CNOT4: variants seen among roughly 807,000 people sequenced by gnomAD.
The protein encoded by CNOT4 is CCR4-NOT transcription complex subunit 4.
In CNOT4, 8 loss-of-function variants were observed where a neutral mutation model predicts 73.8. The ratio of observed to expected loss-of-function variants is 0.11; its 90% CI spans 0.06 to 0.20. The LOEUF is 0.20. CNOT4 is among the 10% of genes least tolerant of loss of function. The pLI is 1.00. For synonymous variants in CNOT4, 293 were observed against 321.1 expected (o/e 0.91, Z 0.94); for missense variants, 564 against 883.4 (o/e 0.64, Z 4.58).
chr7:135,445,656 A>G (rs565231427), intron 1 of CNOT4, among the ~76,000 whole-genome samples: 3 of 152,314 alleles, frequency 2.0e-5, no homozygotes, highest in African/African-American at 7.2e-5. Flanking sequence ...TAAGTAATAA[A>G]TTGTTATTTT....
At chr7:135,404,481 T>C (rs934335381) in intron 7 of CNOT4, among the ~76,000 whole-genome samples, 2 of 152,204 alleles carry the variant, frequency 1.3e-5, no homozygotes, top group Non-Finnish European at 2.9e-5. Flanking sequence ...AAATGTTACA[T>C]AAAATTTCAG....
chr7:135,508,044 T>TA (rs1372489731), intron 1 of CNOT4, among the ~76,000 whole-genome samples: 7 of 152,218 alleles, frequency 4.6e-5, no homozygotes, highest in Non-Finnish European at 8.8e-5. Flanking sequence ...CAAGTGAACA[T>TA]AATGCCAAAT....
intron 10 of CNOT4, among the ~76,000 whole-genome samples, chr7:135,370,662 C>G (rs1795151455): frequency 6.6e-6 from 1 of 152,200 alleles, no homozygotes; most frequent in South Asian, 2.1e-4. Flanking sequence ...TTACATGCAT[C>G]AAGATATCTG....
intron 1 of CNOT4, among the ~76,000 whole-genome samples, chr7:135,476,143 A>G (rs889441307): frequency 1.3e-5 from 2 of 152,190 alleles, no homozygotes; most frequent in Non-Finnish European, 2.9e-5. Flanking sequence ...CTATGACATC[A>G]AAAAAACCTG....
chr7:135,422,246 T>C lies in CNOT4; in HGVS notation c.282A>G (p.Ser94=), dbSNP rs768537836. The change falls in exon 3 of 12, where the codon TCA becomes TCG. Residue 94 remains serine, a synonymous_variant. Transcript: ENST00000541284. ...QKQNERKQKI[S]ENRKHLASVR... is the part of the protein sequence containing the mutation. ...CACTAGCCAAATGTTTGCGATTTTC[T>C]GATATTTTCTGTTTTCTCTCATTTT... is the stretch of plus-strand genomic sequence containing the variant. 6.9e-6 allele frequency: 11 copies of C among 1,603,392 alleles called. No homozygotes were observed. In the East Asian group the frequency reaches 2.5e-4, roughly 36 times the overall value.
intron 10 of CNOT4, among the ~76,000 whole-genome samples, chr7:135,380,131 A>C (rs79860626): frequency 0.016 from 2,367 of 152,248 alleles, 29 homozygotes; most frequent in Non-Finnish European, 0.023. Flanking sequence ...GGGGAAAAAA[A>C]AAAAAACAAA....
intron 1 of CNOT4, among the ~76,000 whole-genome samples, chr7:135,498,627 C>T (rs1481716093): frequency 6.6e-6 from 1 of 152,166 alleles, no homozygotes; most frequent in Non-Finnish European, 1.5e-5. Flanking sequence ...TGGCTCACTG[C>T]AACCTCCGCC....
chr7:135,468,890 G>T (rs1027982147), intron 1 of CNOT4, among the ~76,000 whole-genome samples: 6 of 151,918 alleles, frequency 3.9e-5, no homozygotes, highest in African/African-American at 1.5e-4. Flanking sequence ...TCCAAGGAAG[G>T]CTACAAAGAA....
At chr7:135,376,285 T>C (rs1456738347) in intron 10 of CNOT4, among the ~76,000 whole-genome samples, 1 of 152,208 alleles carries the variant, frequency 6.6e-6, no homozygotes, top group African/African-American at 2.4e-5. Flanking sequence ...GTCTACTCTG[T>C]ACCATTTTCT....
At chr7:135,495,683 AAAAAAAAAAAGAAAGAAAG>A (rs1585733715) in intron 1 of CNOT4, among the ~76,000 whole-genome samples, 6 of 97,250 alleles carry the variant, frequency 6.2e-5, no homozygotes, top group African/African-American at 2.2e-4. Context: ...AAAAAAAAAA[AAAAAAAAAAAGAAAGAAAG>A]AAAGAAAGAA....
At position 135,410,680 on chromosome 7, in the gene CNOT4, G is replaced by A. The variant is rs189512250; in HGVS notation, c.688-32C>T. The A allele has an allele frequency of 5.8e-3, 8,926 of 1,541,484 alleles. 27 individuals are homozygous for A. Among genetic ancestry groups the A allele is most frequent in the Non-Finnish European group, 6.4e-3 (7,345 of 1,148,814 alleles). ...AAAGAAGAAATTAAAACTGCAGTGG[G>A]ATTCACAAAATGGCTGGTATAAAAT... On this transcript the variant is annotated intron_variant, in intron 6 of 11. Transcript: ENST00000541284.
At chr7:135,495,859 A>G (rs1407641098) in intron 1 of CNOT4, among the ~76,000 whole-genome samples, 1 of 151,464 alleles carries the variant, frequency 6.6e-6, no homozygotes, top group Non-Finnish European at 1.5e-5. Flanking sequence ...GCTTGAGCCC[A>G]GGAGTTCAAG....
At chr7:135,460,208 C>T (rs566272312) in intron 1 of CNOT4, among the ~76,000 whole-genome samples, 6 of 152,312 alleles carry the variant, frequency 3.9e-5, no homozygotes, top group South Asian at 2.1e-4. Flanking sequence ...AAGGCTGTCT[C>T]GCTTTCTTAT....
intron 1 of CNOT4, among the ~76,000 whole-genome samples, chr7:135,453,848 T>TTTATATATAAA: frequency 8.6e-6 from 1 of 116,722 alleles, no homozygotes; most frequent in Admixed American, 9.4e-5. Context: ...ATATATATAT[T>TTTATATATAAA]ATATATATAG....
intron 3 of CNOT4, 142 bp from the exon 4 acceptor site, chr7:135,415,404 A>C: frequency 1.8e-6 from 1 of 551,106 alleles, no homozygotes; most frequent in Non-Finnish European, 3.2e-6. Flanking sequence ...CTACCTCCTA[A>C]TTGCAGTTTG....
rs950984646 is a variant in CNOT4, at chr7:135,364,847, G to C, written c.1628-781C>G. Reference sequence around the variant, plus strand: ...ATAGAAAAGGCTTTTTATAAATTGTGACTAAACTAACTTGATCTACTACCA... The same window carrying C: ...ATAGAAAAGGCTTTTTATAAATTGTCACTAAACTAACTTGATCTACTACCA... On this transcript the variant is annotated intron_variant, in intron 10 of 11. Transcript: ENST00000541284. The surrounding 1 kb of genome is among the most constrained non-coding windows in gnomAD (Gnocchi z 4.3). Among the ~76,000 whole-genome samples the C allele has an allele frequency of 1.3e-5, 2 of 152,198 alleles. No individual in the cohort carries two copies. Among genetic ancestry groups the C allele is most frequent in the African/African-American group, 4.8e-5 (2 of 41,444 alleles).
chr7:135,461,324 T>G (rs1376336015), intron 1 of CNOT4, among the ~76,000 whole-genome samples: 1 of 151,574 alleles, frequency 6.6e-6, no homozygotes, highest in Non-Finnish European at 1.5e-5. Context: ...TTAAAGATTC[T>G]TATTAGAATA....
At chr7:135,466,608 C>T (rs1801240133) in intron 1 of CNOT4, among the ~76,000 whole-genome samples, 3 of 151,938 alleles carry the variant, frequency 2.0e-5, no homozygotes, top group Admixed American at 6.6e-5. Context: ...CAGTAGTGTA[C>T]AGTAATGTCC....
At chr7:135,390,327 T>G (rs1796335221) in intron 10 of CNOT4, among the ~76,000 whole-genome samples, 1 of 152,162 alleles carries the variant, frequency 6.6e-6, no homozygotes, top group African/African-American at 2.4e-5. Context: ...AACAAATTAT[T>G]TAAGCTTTCT....
Sources: allele counts gnomAD v4.1 joint callset (sites outside exome capture counted in the v4.1 genomes callset), GRCh38; gene constraint gnomAD v4.1.1; non-coding constraint Gnocchi (gnomAD v3.1); transcripts MANE v1.5; gene names NCBI Gene and HGNC (gene_info 2026-07-23, HGNC 2026-07-21).